Variants in ITGA10 observed in about 807,000 individuals in gnomAD.
ITGA10 encodes the protein integrin subunit alpha 10.
ITGA10 carries 105 observed loss-of-function variants against 145.2 expected under a neutral mutation model. The observed-to-expected ratio is 0.72, with a 90% CI of 0.62 to 0.85. The LOEUF is 0.85. ITGA10 is among the 40% of genes least tolerant of loss of function. ITGA10 has a pLI of 0.00. For synonymous variants in ITGA10, 506 were observed against 557.8 expected (o/e 0.91, Z 1.31); for missense variants, 1,317 against 1,444.5 (o/e 0.91, Z 1.43).
In ITGA10 at chr1:145,898,961, C is replaced by T; in HGVS notation, c.2207G>A (p.Cys736Tyr). 6.2e-7 allele frequency: 1 copy of T among 1,614,172 alleles called. No homozygotes were observed. Among genetic ancestry groups the T allele is most frequent in the Non-Finnish European group, 8.5e-7 (1 of 1,180,018 alleles). Residue 736 changes from cysteine to tyrosine, a missense_variant, in exon 17 of 30, where the codon TGT becomes TAT. Transcript: ENST00000369304. ...CAGCACATGGAAGTGTAGCTGCTCACAAGTGACATTCCCCACACTGAGCCG... is the reference window on the plus strand; with the variant it reads ...CAGCACATGGAAGTGTAGCTGCTCATAAGTGACATTCCCCACACTGAGCCG... ...RLRLSVGNVT[C>Y]EQLHFHVLDT...
intron 27 of ITGA10, among the ~76,000 whole-genome samples, 176 bp downstream of exon 27, chr1:145,895,104 T>C (rs1655197019): frequency 6.6e-6 from 1 of 152,206 alleles, no homozygotes; most frequent in South Asian, 2.1e-4. Context: ...GGTATTATCT[T>C]CCCATTTTAG....
At position 145,897,553 on chromosome 1, in the gene ITGA10, T is replaced by C. The variant is rs868909514; in HGVS notation, c.2533A>G (p.Ile845Val). ...GCCAGGTGGAGGTTTCTAGAGAAGA[T>C]GAGACTCAGGCTCGTATTGTAAGCA... ...ENAYNTSLSL[I>V]FSRNLHLASL... The change falls in exon 20 of 30, where the codon ATC (isoleucine) becomes GTC (valine). Residue 845 changes from isoleucine to valine, a missense_variant. Physicochemically the swap from Ile to Val is conservative, Grantham distance 29. Coordinates refer to ENST00000369304, the MANE Select transcript of ITGA10 (RefSeq NM_003637.5). 4 of 1,614,184 alleles carry C rather than the reference T, an allele frequency of 2.5e-6. No individual in the cohort carries two copies. The Middle Eastern group carries it at 4.9e-4, about 200-fold the overall frequency.
intron 7 of ITGA10, 56 bp downstream of exon 7, chr1:145,903,996 A>G: frequency 6.2e-7 from 1 of 1,602,284 alleles, no homozygotes; most frequent in South Asian, 1.1e-5. Flanking sequence ...CCCCGCCCTA[A>G]CTCTTCTAAG....
Position 145,901,142 on chromosome 1 carries a change from A to T in ITGA10, c.1580T>A (p.Val527Glu). Residue 527 changes from valine to glutamate, a missense_variant, in exon 13 of 30, where the codon GTA (valine) becomes GAA (glutamate). By Grantham distance (121) the Val-to-Glu change is moderately radical. Coordinates refer to ENST00000369304, the MANE Select transcript of ITGA10 (RefSeq NM_003637.5). This position sits in a 1 kb window ranked among gnomAD's most constrained non-coding sequence, Gnocchi z 4.3. Reference protein sequence around the residue: ...KETGRVYVYLVGQQSLLTLQG... With the variant: ...KETGRVYVYLEGQQSLLTLQG... ...GGTCCCAGCAAGTCTCACCTGGCCT[A>T]CCAGATACACATAAACACGTCCTGT... 6.2e-7 allele frequency: 1 copy of T among 1,614,016 alleles called. No individual in the cohort carries two copies. Among genetic ancestry groups the T allele is most frequent in the Non-Finnish European group, 8.5e-7 (1 of 1,179,996 alleles).
At position 145,892,653 on chromosome 1, in the gene ITGA10, G is replaced by T; in HGVS notation, c.*145C>A. 1.6e-6 allele frequency: 1 copy of T among 638,248 alleles called. No homozygotes were observed. The highest frequency in any genetic ancestry group is 2.8e-6 in the Non-Finnish European group (1 of 357,192). The allele number at this position is 638,248 out of a possible 1,614,324, so 39.5% of individuals were successfully genotyped here. A position where few individuals can be genotyped will look rare whatever the true frequency, so the allele number is the denominator to read the frequency against. The stretch of plus-strand genomic sequence containing the variant: ...TCATCTCTAGCCAGCAGCATCCCTA[G>T]GACTCAAAAGTCAAGTCAGGCTGCT... On this transcript the variant is annotated 3_prime_UTR_variant, in exon 30 of 30. Coordinates refer to ENST00000369304, the MANE Select transcript of ITGA10 (RefSeq NM_003637.5).
chr1:145,892,171 G>C lies in ITGA10; in HGVS notation c.*627C>G, dbSNP rs1481290084. The C allele has an allele frequency of 1.3e-5, 2 of 152,798 alleles. No individual in the cohort carries two copies. The highest frequency in any genetic ancestry group is 4.8e-5 in the African/African-American group (2 of 41,462). 9.5% of individuals were successfully genotyped at this position (152,798 alleles called of 1,614,324 possible). On this transcript the variant is annotated 3_prime_UTR_variant, in exon 30 of 30. Coordinates refer to ENST00000369304, the MANE Select transcript of ITGA10 (RefSeq NM_003637.5). ...AGTGCACTACAGGTCTCAGGTTTCA[G>C]GGGGGATGGCAGTTGCCTGTCTAAA...
chr1:145,897,202 C>T lies in ITGA10; in HGVS notation c.2667+45G>A, dbSNP rs1553745495. 6 of 1,597,312 alleles carry T rather than the reference C, an allele frequency of 3.8e-6. No individual in the cohort carries two copies. The Admixed American group carries it at 6.7e-5, about 18-fold the overall frequency. ...AGTCCCAGGACCCTCAGATCCCAGC[C>T]TCTGCCCTCCTAGAGCCCTCTTTTC... On this transcript the variant is annotated intron_variant, in intron 21 of 29. Coordinates refer to ENST00000369304, the MANE Select transcript of ITGA10 (RefSeq NM_003637.5).
In ITGA10 at chr1:145,896,862, T is replaced by C. The variant is rs781918641; in HGVS notation, c.2745-4A>G. On this transcript the variant is annotated splice_polypyrimidine_tract_variant and splice_region_variant and intron_variant, in intron 22 of 29. Transcript: ENST00000369304. ...CCCATTTCTCTCCAGGCTGTCACTG[T>C]AGGGTCAGAGGGGAGAGGCTCACAT... The C allele has an allele frequency of 1.9e-6, 3 of 1,611,978 alleles. No homozygotes were observed. The highest frequency in any genetic ancestry group is 2.5e-6 in the Non-Finnish European group (3 of 1,178,034).
Position 145,892,382 on chromosome 1 carries a change from G to A in ITGA10, c.*416C>T, listed in dbSNP as rs1382041819. Reference sequence around the variant, plus strand: ...CTCCTGTGGAGTGGGGAACAGGCAGGAAAGTGAGAGGGTGGAAGAATCGAG... The same window carrying A: ...CTCCTGTGGAGTGGGGAACAGGCAGAAAAGTGAGAGGGTGGAAGAATCGAG... On this transcript the variant is annotated 3_prime_UTR_variant, in exon 30 of 30. Transcript: ENST00000369304. 6.2e-6 allele frequency: 1 copy of A among 161,796 alleles called. No individual in the cohort carries two copies. Among genetic ancestry groups the A allele is most frequent in the African/African-American group, 2.4e-5 (1 of 41,674 alleles). The allele number at this position is 161,796 out of a possible 1,614,324, so 10.0% of individuals were successfully genotyped here.
At chr1:145,898,293 A>C (rs1359854775) in intron 17 of ITGA10, 70 bp from the exon 18 acceptor site, 4 of 973,224 alleles carry the variant, frequency 4.1e-6, no homozygotes, top group Non-Finnish European at 6.6e-6. Flanking sequence ...TCATTTATGA[A>C]GCATTTTCTG....
chr1:145,893,147 A>G lies in ITGA10; in HGVS notation c.3438+14T>C. 6.4e-7 allele frequency: 1 copy of G among 1,565,962 alleles called. No individual in the cohort carries two copies. The highest frequency in any genetic ancestry group is 8.8e-7 in the Non-Finnish European group (1 of 1,136,114). On this transcript the variant is annotated intron_variant, in intron 29 of 29. Transcript: ENST00000369304. ...GGCATCATGCTCCACACTCCCCACT[A>G]AAGCAGTGCTTACCTTCCACAGGCA...
At position 145,902,912 on chromosome 1, in the gene ITGA10, G is replaced by T; in HGVS notation, c.808C>A (p.Leu270Ile). Residue 270 changes from leucine (L) to isoleucine (I), a missense_variant, in exon 8 of 30, where the codon CTA becomes ATA. Physicochemically the swap from Leu to Ile is conservative, Grantham distance 5. Coordinates refer to ENST00000369304, the MANE Select transcript of ITGA10 (RefSeq NM_003637.5). Reference sequence around the variant, plus strand: ...TCTCCATCAGTGACAACCACCAGTAGCCTGGCAGCCTCGGGTCGGCCCCCA... The same window carrying T: ...TCTCCATCAGTGACAACCACCAGTATCCTGGCAGCCTCGGGTCGGCCCCCA... ...SHGGRPEAAR[L>I]LVVVTDGESH... 1.2e-6 allele frequency: 2 copies of T among 1,613,682 alleles called. No individual in the cohort carries two copies. The highest frequency in any genetic ancestry group is 1.7e-6 in the Non-Finnish European group (2 of 1,179,794).
At chr1:145,894,891 G>A (rs1020597518) in intron 27 of ITGA10, among the ~76,000 whole-genome samples, 3 of 152,090 alleles carry the variant, frequency 2.0e-5, no homozygotes, top group East Asian at 1.9e-4. Context: ...GGCCTTTTAC[G>A]TAATAGGAAC....
chr1:145,895,699 C>T lies in ITGA10; in HGVS notation c.3046G>A (p.Val1016Met), dbSNP rs782761963. The change falls in exon 26 of 30, where the codon GTG becomes ATG. Residue 1016 changes from valine (V) to methionine (M), a missense_variant. Coordinates refer to ENST00000369304, the MANE Select transcript of ITGA10 (RefSeq NM_003637.5). ...QVITNNASCI[V>M]QNLTEPPGPP... ...CCTGGGGGTTCAGTCAGGTTCTGCACTATGCAGCTTGCCTAGAGGAAGATC... is the reference window on the plus strand; with the variant it reads ...CCTGGGGGTTCAGTCAGGTTCTGCATTATGCAGCTTGCCTAGAGGAAGATC... 1.9e-6 allele frequency: 3 copies of T among 1,614,260 alleles called. No homozygotes were observed. The highest frequency in any genetic ancestry group is 2.2e-5 in the East Asian group (1 of 44,886).
chr1:145,893,401 G>A, intron 28 of ITGA10, 127 bp from the exon 29 acceptor site: 1 of 935,188 alleles, frequency 1.1e-6, no homozygotes, highest in Non-Finnish European at 1.7e-6. Context: ...AAGAAACTGA[G>A]GCAGGAATGG....
At position 145,892,749 on chromosome 1, in the gene ITGA10, T is replaced by A. The variant is rs1448879289; in HGVS notation, c.*49A>T. The A allele has an allele frequency of 2.1e-6, 3 of 1,405,910 alleles. No individual in the cohort carries two copies. The highest frequency in any genetic ancestry group is 3.0e-6 in the Non-Finnish European group (3 of 991,806). The allele number at this position is 1,405,910 out of a possible 1,614,324, so 87.1% of individuals were successfully genotyped here. On this transcript the variant is annotated 3_prime_UTR_variant, in exon 30 of 30. Transcript: ENST00000369304. ...CCCCAAACCTCTGCTTTTATGCAAG[T>A]CTCTTGAAGAAGCTGCCAGGGAGGA... is the stretch of plus-strand genomic sequence containing the variant.
chr1:145,895,737 C>T lies in ITGA10; in HGVS notation c.3034-26G>A, dbSNP rs377187212. On this transcript the variant is annotated intron_variant, in intron 25 of 29. Coordinates refer to ENST00000369304, the MANE Select transcript of ITGA10 (RefSeq NM_003637.5). ...CTAGAGGAAGATCCAACTTGAAAGA[C>T]CCTCCTGATGGGGTGGCGCTAGCCA... 24 of 1,609,840 alleles carry T rather than the reference C, an allele frequency of 1.5e-5. No individual in the cohort carries two copies. The African/African-American group carries it at 2.1e-4, about 14-fold the overall frequency.
At chr1:145,904,537 T>G (rs1656844842) in intron 6 of ITGA10, 147 bp downstream of exon 6, 3 of 853,654 alleles carry the variant, frequency 3.5e-6, no homozygotes, top group Admixed American at 5.4e-5. Flanking sequence ...CCTGGCTATT[T>G]TTTTTTTCTT....
chr1:145,904,352 C>T, intron 6 of ITGA10, 152 bp from the exon 7 acceptor site: 3 of 744,046 alleles, frequency 4.0e-6, no homozygotes, highest in Non-Finnish European at 6.7e-6. Flanking sequence ...TCTCCCCTTC[C>T]AAGCCCATCC....
Sources: allele counts gnomAD v4.1 joint callset (sites outside exome capture counted in the v4.1 genomes callset), GRCh38; gene constraint gnomAD v4.1.1; non-coding constraint Gnocchi (gnomAD v3.1); transcripts MANE v1.5; gene names NCBI Gene and HGNC (gene_info 2026-07-23, HGNC 2026-07-21).